Variants in ZNRF1 observed in about 807,000 individuals in gnomAD.
ZNRF1 encodes E3 ubiquitin-protein ligase ZNRF1.
ZNRF1 carries 3 observed loss-of-function variants against 18.4 expected under a neutral mutation model. The observed-to-expected ratio is 0.16, with a 90% CI of 0.07 to 0.42. The LOEUF is 0.42. ZNRF1 is among the 10% of genes least tolerant of loss of function. ZNRF1 has a pLI of 0.99. For missense variants in ZNRF1, 310 were observed against 329.8 expected, an observed-to-expected ratio of 0.94 and a Z score of 0.47; for synonymous variants, 157 against 144.2, an observed-to-expected ratio of 1.09 and a Z score of -0.64.
At chr16:75,037,770 C>T (rs1477700760) in intron 1 of ZNRF1, among the ~76,000 whole-genome samples, 1 of 152,148 alleles carries the variant, frequency 6.6e-6, no homozygotes, top group Non-Finnish European at 1.5e-5. Flanking sequence ...TGCTTAGAGG[C>T]AGGAGAGTAC....
At chr16:75,107,395 T>G (rs2145433988) in intron 4 of ZNRF1, 1 of 206,716 alleles carries the variant, frequency 4.8e-6, no homozygotes, top group Admixed American at 5.4e-5. Context: ...CCTTTCTCTC[T>G]CTCTTGCTTT....
chr16:75,016,089 T>G (rs1490187042), intron 1 of ZNRF1, among the ~76,000 whole-genome samples: 41 of 149,098 alleles, frequency 2.7e-4, no homozygotes, highest in South Asian at 4.2e-4. Flanking sequence ...CCCAGCTAAT[T>G]TTTTGTATTT....
At chr16:75,093,739 T>C (rs1190700745) in intron 2 of ZNRF1, 72 bp downstream of exon 2, 9 of 1,270,652 alleles carry the variant, frequency 7.1e-6, no homozygotes, top group Non-Finnish European at 1.1e-6. Flanking sequence ...TGTGGGAGCC[T>C]CCAGTCGAGG....
chr16:75,103,860 C>T (rs2036280899), intron 2 of ZNRF1, among the ~76,000 whole-genome samples: 3 of 152,156 alleles, frequency 2.0e-5, no homozygotes, highest in African/African-American at 7.2e-5. Context: ...TGGTGGGCGC[C>T]TGTAATCCTA....
intron 1 of ZNRF1, among the ~76,000 whole-genome samples, chr16:75,027,783 C>T (rs188944100): frequency 4.6e-5 from 7 of 152,162 alleles, no homozygotes; most frequent in East Asian, 1.9e-4. Flanking sequence ...TGAGCACATT[C>T]GCTGTCCTCA....
At chr16:75,101,263 A>G (rs1271031750) in intron 2 of ZNRF1, among the ~76,000 whole-genome samples, 2 of 152,184 alleles carry the variant, frequency 1.3e-5, no homozygotes, top group Non-Finnish European at 2.9e-5. Flanking sequence ...TTGTATAGAG[A>G]ACACCCTTAT....
At chr16:75,030,871 C>T (rs187911803) in intron 1 of ZNRF1, among the ~76,000 whole-genome samples, 58 of 136,004 alleles carry the variant, frequency 4.3e-4, no homozygotes, top group African/African-American at 1.1e-3. Context: ...GACGGAGCCT[C>T]GCTCTGTCAC....
intron 1 of ZNRF1, among the ~76,000 whole-genome samples, chr16:75,074,318 C>T (rs974950652): frequency 2.6e-5 from 4 of 152,164 alleles, no homozygotes; most frequent in African/African-American, 9.7e-5. Context: ...CGGTGAGGCT[C>T]CATATGCCAG....
At chr16:75,032,670 C>A (rs1411846439) in intron 1 of ZNRF1, among the ~76,000 whole-genome samples, 1 of 152,072 alleles carries the variant, frequency 6.6e-6, no homozygotes, top group Admixed American at 6.6e-5. Context: ...ATTAGTATAT[C>A]TAAAATGTAT....
chr16:75,009,574 G>A (rs367726263), intron 1 of ZNRF1, among the ~76,000 whole-genome samples: 1 of 152,284 alleles, frequency 6.6e-6, no homozygotes, highest in African/African-American at 2.4e-5. Flanking sequence ...ATTGTAAATA[G>A]CTGTAATTCA....
At chr16:75,024,411 G>T (rs1170786149) in intron 1 of ZNRF1, among the ~76,000 whole-genome samples, 1 of 152,152 alleles carries the variant, frequency 6.6e-6, no homozygotes, top group Admixed American at 6.5e-5. Context: ...ACGGAGTTAG[G>T]TGCCTAGTAA....
intron 1 of ZNRF1, among the ~76,000 whole-genome samples, chr16:75,021,910 A>T (rs1361220078): frequency 6.6e-6 from 1 of 152,092 alleles, no homozygotes; most frequent in Non-Finnish European, 1.5e-5. Flanking sequence ...CCTTTCTTTT[A>T]TTCTTTCCCA....
chr16:75,014,673 C>T (rs1236789800), intron 1 of ZNRF1, among the ~76,000 whole-genome samples: 1 of 152,066 alleles, frequency 6.6e-6, no homozygotes, highest in Non-Finnish European at 1.5e-5. Context: ...TGTATGTGTG[C>T]ATGCGTGCAT....
At chr16:75,083,641 T>C (rs1198590059) in intron 1 of ZNRF1, among the ~76,000 whole-genome samples, 1 of 152,148 alleles carries the variant, frequency 6.6e-6, no homozygotes, top group East Asian at 1.9e-4. Flanking sequence ...TTGCAGTTGA[T>C]ACAAGGAAGC....
At chr16:75,023,051 C>G (rs2035174585) in intron 1 of ZNRF1, among the ~76,000 whole-genome samples, 2 of 152,202 alleles carry the variant, frequency 1.3e-5, no homozygotes, top group African/African-American at 2.4e-5. Context: ...GTTGAATACG[C>G]TTTGGGGAAA....
At chr16:75,095,562 C>T (rs1359363235) in intron 2 of ZNRF1, 1 of 1,493,178 alleles carries the variant, frequency 6.7e-7, no homozygotes, top group South Asian at 1.3e-5. Flanking sequence ...CTGTGGGTTG[C>T]TAGGGCGTTC....
At chr16:75,102,569 GTTCACGTCGCCTCTT>G in intron 2 of ZNRF1, among the ~76,000 whole-genome samples, 1 of 152,304 alleles carries the variant, frequency 6.6e-6, no homozygotes, top group East Asian at 1.9e-4. Flanking sequence ...GTCGCCTTTT[GTTCACGTCGCCTCTT>G]TTCACCTGCC....
At chr16:75,088,573 TC>T (rs1190815366) in intron 1 of ZNRF1, among the ~76,000 whole-genome samples, 2 of 152,204 alleles carry the variant, frequency 1.3e-5, no homozygotes, top group Admixed American at 6.5e-5. Context: ...GTATTTCTGT[TC>T]TTTCTGCCAT....
chr16:75,032,796 G>C (rs765198821), intron 1 of ZNRF1, among the ~76,000 whole-genome samples: 19 of 152,014 alleles, frequency 1.2e-4, no homozygotes, highest in Non-Finnish European at 1.6e-4. Flanking sequence ...GCCAAGTCAG[G>C]AGGATCACTT....
Sources: gnomAD v4.1 joint callset for allele counts (sites outside exome capture counted in the v4.1 genomes callset) on GRCh38, gnomAD v4.1.1 for gene constraint, MANE v1.5 for transcripts, NCBI Gene and HGNC (gene_info 2026-07-23, HGNC 2026-07-21) for gene names.